The following GPR176 variants were observed in gnomAD, a reference collection of about 807,000 sequenced individuals.
GPR176 encodes the protein G-protein coupled receptor 176.
A neutral mutation model predicts 35.4 loss-of-function variants in GPR176; 26 were observed. That is an observed-to-expected ratio of 0.74 (90% confidence interval 0.54 to 1.02). GPR176 has a LOEUF of 1.02. GPR176 is among the 50% of genes least tolerant of loss of function. GPR176 has a pLI of 0.00. For synonymous variants in GPR176, 278 were observed against 271.3 expected, an observed-to-expected ratio of 1.02 and a Z score of -0.24; for missense variants, 597 against 665.3, an observed-to-expected ratio of 0.90 and a Z score of 1.13.
chr15:39,879,591 C>A (rs549994769), intron 1 of GPR176, among the ~76,000 whole-genome samples: 2 of 152,148 alleles, frequency 1.3e-5, no homozygotes, highest in Non-Finnish European at 2.9e-5. Flanking sequence ...TCTTACTGGA[C>A]CCTCTGCAAC....
intron 2 of GPR176, 53 bp from the exon 3 acceptor site, chr15:39,802,307 G>C (rs113828194): frequency 1.4e-6 from 2 of 1,392,440 alleles, no homozygotes. Context: ...TTTAAATTAG[G>C]GGAACCTAAA....
chr15:39,810,303 TTAA>T (rs1899467060), intron 1 of GPR176, among the ~76,000 whole-genome samples: 1 of 152,176 alleles, frequency 6.6e-6, no homozygotes. Flanking sequence ...TGTAATATAC[TTAA>T]TAGTCAAAGA....
chr15:39,871,837 A>C (rs912233792), intron 1 of GPR176, among the ~76,000 whole-genome samples: 2 of 152,236 alleles, frequency 1.3e-5, no homozygotes, highest in African/African-American at 4.8e-5. Context: ...CTAACTAATT[A>C]GGATTTGAAT....
At position 39,800,318 on chromosome 15, in the gene GPR176, C is replaced by T. The variant is rs571391750; in HGVS notation, c.*814G>A. The stretch of plus-strand genomic sequence containing the variant: ...ATAGGCATCTCTCAGGCATCTCCCC[C>T]GTAAGCTTCTCTCTCATTTGTTGAG... On this transcript the variant is annotated 3_prime_UTR_variant, in exon 3 of 3. Coordinates refer to ENST00000561100, the MANE Select transcript of GPR176 (RefSeq NM_007223.3). The T allele has an allele frequency of 6.6e-6, 1 of 152,270 alleles. No individual in the cohort carries two copies. Among genetic ancestry groups the T allele is most frequent in the African/African-American group, 2.4e-5 (1 of 41,552 alleles). 9.4% of individuals were successfully genotyped at this position (152,270 alleles called of 1,614,324 possible). A position where few individuals can be genotyped will look rare whatever the true frequency, so the allele number is the denominator to read the frequency against.
chr15:39,817,472 G>T (rs1899996674), intron 1 of GPR176, among the ~76,000 whole-genome samples: 1 of 152,150 alleles, frequency 6.6e-6, no homozygotes, highest in South Asian at 2.1e-4. Flanking sequence ...GGGATTCAAT[G>T]GTTCCCTACT....
At position 39,801,434 on chromosome 15, in the gene GPR176, GC is replaced by G. The variant is rs1166535607; in HGVS notation, c.1245del (p.Pro416HisfsTer10). ...GGTGGGGCAGAGGGCGCAAACTGTG[GC>G]CCCTGCTCTCCCTCCAGGCAGGTGC... The part of the protein sequence containing the change: ...IFSTCLEGEQ[G>X]PQFAPSAPPL... On this transcript the variant is annotated frameshift_variant, in exon 3 of 3. Coordinates refer to ENST00000561100, the MANE Select transcript of GPR176 (RefSeq NM_007223.3). LOFTEE classifies it high-confidence loss of function. 1 of 1,614,144 alleles carries G rather than the reference GC, an allele frequency of 6.2e-7. No individual in the cohort carries two copies. Among genetic ancestry groups the G allele is most frequent in the Non-Finnish European group, 8.5e-7 (1 of 1,179,978 alleles).
At chr15:39,804,617 TAA>T (rs36014645) in intron 2 of GPR176, among the ~76,000 whole-genome samples, 3 of 138,488 alleles carry the variant, frequency 2.2e-5, no homozygotes, top group Non-Finnish European at 1.6e-5. Flanking sequence ...GAGTCTTATT[TAA>T]AAAAAAAAAA....
chr15:39,893,458 G>A (rs372440222), intron 1 of GPR176, among the ~76,000 whole-genome samples: 1 of 151,868 alleles, frequency 6.6e-6, no homozygotes, highest in African/African-American at 2.4e-5. Flanking sequence ...GGCAGAAGAA[G>A]TTTTCTTAGT....
At chr15:39,820,613 T>C (rs947650495) in intron 1 of GPR176, among the ~76,000 whole-genome samples, 1 of 152,132 alleles carries the variant, frequency 6.6e-6, no homozygotes, top group Non-Finnish European at 1.5e-5. Flanking sequence ...TCTAGCAGAG[T>C]ATCTATGATT....
At chr15:39,812,052 C>CT (rs1389820180) in intron 1 of GPR176, among the ~76,000 whole-genome samples, 6 of 152,186 alleles carry the variant, frequency 3.9e-5, no homozygotes, top group Admixed American at 3.3e-4. Context: ...ACTTCTTTTA[C>CT]TTTTTTTCGT....
At chr15:39,886,546 C>A (rs528263923) in intron 1 of GPR176, among the ~76,000 whole-genome samples, 17 of 152,218 alleles carry the variant, frequency 1.1e-4, no homozygotes, top group Admixed American at 2.0e-4. Context: ...AAGTGTGAAG[C>A]CTGAATGATC....
chr15:39,903,990 G>T (rs542514447), intron 1 of GPR176, among the ~76,000 whole-genome samples: 22 of 152,170 alleles, frequency 1.4e-4, no homozygotes, highest in Non-Finnish European at 3.2e-4. Flanking sequence ...TTGATGATAT[G>T]CTAAACAAGG....
Position 39,807,133 on chromosome 15 carries a change from T to A in GPR176, c.298A>T (p.Ile100Phe). Residue 100 changes from isoleucine to phenylalanine, a missense_variant, in exon 2 of 3, where the codon ATC becomes TTC. Transcript: ENST00000561100. Reference sequence around the variant, plus strand: ...CAACAGTGAGGACTGGTGCTGAGGATGATGTCGAAGGGCACACAGACCAGG... The same window carrying A: ...CAACAGTGAGGACTGGTGCTGAGGAAGATGTCGAAGGGCACACAGACCAGG... ...ASLVCVPFDI[I>F]LSTSPHCCWW... 1 of 1,613,938 alleles carries A rather than the reference T, an allele frequency of 6.2e-7. No individual in the cohort carries two copies. Among genetic ancestry groups the A allele is most frequent in the Non-Finnish European group, 8.5e-7 (1 of 1,179,970 alleles).
At chr15:39,810,218 G>C (rs1396297971) in intron 1 of GPR176, among the ~76,000 whole-genome samples, 4 of 150,926 alleles carry the variant, frequency 2.7e-5, no homozygotes, top group Non-Finnish European at 5.9e-5. Context: ...CTATGGAACA[G>C]ACCTGCACAT....
At chr15:39,872,450 A>G (rs1227082723) in intron 1 of GPR176, among the ~76,000 whole-genome samples, 2 of 152,202 alleles carry the variant, frequency 1.3e-5, no homozygotes, top group Non-Finnish European at 1.5e-5. Flanking sequence ...ATGAGACCCA[A>G]TTGTTAAGAG....
chr15:39,919,855 C>T lies in GPR176; in HGVS notation c.172G>A (p.Gly58Arg), dbSNP rs867673240. Residue 58 changes from glycine to arginine, a missense_variant and splice_region_variant, in exon 1 of 3, where the codon GGA becomes AGA. By Grantham distance (125) the Gly-to-Arg change is moderately radical. This residue lies in a region of GPR176 where 126 missense variants were observed against 112.4 expected (regional missense o/e 1.12). Transcript: ENST00000561100. ...CGGAGGCGCCCCGCGGGAGGCTTAC[C>T]GAGCAGCGAGCCTATGAAGATGACG... ...QVVIFIGSLL[G>R]NFMVLWSTCR... is the part of the protein sequence containing the mutation. 4.2e-6 allele frequency: 6 copies of T among 1,420,786 alleles called. No homozygotes were observed. The highest frequency in any genetic ancestry group is 3.0e-5 in the Admixed American group (1 of 33,522). 88.0% of individuals were successfully genotyped at this position (1,420,786 alleles called of 1,614,324 possible).
chr15:39,846,681 A>C (rs1362888169), intron 1 of GPR176, among the ~76,000 whole-genome samples: 2 of 152,208 alleles, frequency 1.3e-5, no homozygotes, highest in Non-Finnish European at 2.9e-5. Flanking sequence ...AAGTGACACA[A>C]CATTTTTCAC....
intron 1 of GPR176, among the ~76,000 whole-genome samples, chr15:39,895,139 A>G (rs1348183148): frequency 6.6e-6 from 1 of 152,152 alleles, no homozygotes; most frequent in African/African-American, 2.4e-5. Context: ...AGAATCAGGC[A>G]GGGAGGTTGC....
intron 1 of GPR176, among the ~76,000 whole-genome samples, chr15:39,870,911 C>T (rs2032019298): frequency 6.6e-6 from 1 of 152,090 alleles, no homozygotes; most frequent in African/African-American, 2.4e-5. Flanking sequence ...ATTCTGCCAA[C>T]AACTTGAATG....
Sources: gnomAD v4.1 joint callset for allele counts (sites outside exome capture counted in the v4.1 genomes callset) on GRCh38, gnomAD v4.1.1 for gene constraint, gnomAD v4.1.1 regional missense constraint, MANE v1.5 for transcripts, NCBI Gene and HGNC (gene_info 2026-07-23, HGNC 2026-07-21) for gene names.